The following SWT1 variants were observed in gnomAD, a reference collection of about 807,000 sequenced individuals.
SWT1 encodes SWT1 RNA endoribonuclease homolog.
Under a neutral mutation model 107.3 loss-of-function variants are expected in SWT1, and 33 were observed. That is an observed-to-expected ratio of 0.31 (90% CI 0.23 to 0.41). SWT1 has a LOEUF of 0.41. SWT1 is among the 10% of genes least tolerant of loss of function. SWT1 has a pLI of 1.00. For synonymous variants in SWT1, 345 were observed against 348.3 expected, an observed-to-expected ratio of 0.99 and a Z score of 0.11; for missense variants, 898 against 1,028.9, an observed-to-expected ratio of 0.87 and a Z score of 1.74.
At chr1:185,193,774 A>G (rs1000241014) in intron 10 of SWT1, among the ~76,000 whole-genome samples, 9 of 152,122 alleles carry the variant, frequency 5.9e-5, no homozygotes, top group African/African-American at 1.7e-4. Flanking sequence ...CTGGTTGCCT[A>G]CTTTTTCTGT....
intron 16 of SWT1, among the ~76,000 whole-genome samples, chr1:185,265,715 C>T (rs1257153984): frequency 6.6e-6 from 1 of 152,138 alleles, no homozygotes; most frequent in Non-Finnish European, 1.5e-5. Context: ...CTATAGAGAT[C>T]AAAGGAGATA....
At chr1:185,287,397 C>T (rs1480432484) in intron 18 of SWT1, among the ~76,000 whole-genome samples, 2 of 151,520 alleles carry the variant, frequency 1.3e-5, no homozygotes, top group Admixed American at 6.6e-5. Flanking sequence ...GCTCTGTTCT[C>T]GAAAGGATCA....
chr1:185,161,855 G>C (rs899114526), intron 2 of SWT1, among the ~76,000 whole-genome samples: 3 of 152,170 alleles, frequency 2.0e-5, no homozygotes, highest in African/African-American at 7.2e-5. Context: ...ATGGGTAGTT[G>C]ATCATCAGTA....
chr1:185,283,109 G>A lies in SWT1; in HGVS notation c.2573+6441G>A, dbSNP rs544135246. 3.3e-5 allele frequency among the ~76,000 whole-genome samples: 5 copies of A among 152,288 alleles called. No individual in the cohort carries two copies. The East Asian group carries it at 9.6e-4, about 29-fold the overall frequency. ...GGAGCCTCTGTCCCCATGGAGTTGG[G>A]TATGCCACCCTCCTGGCATATGGAT... On this transcript the variant is annotated intron_variant, in intron 18 of 18. Transcript: ENST00000367500.
intron 10 of SWT1, among the ~76,000 whole-genome samples, chr1:185,194,805 T>C (rs931266910): frequency 1.3e-5 from 2 of 152,174 alleles, no homozygotes; most frequent in African/African-American, 4.8e-5. Flanking sequence ...CATTAGAACC[T>C]TTAACATATT....
At chr1:185,269,829 T>C (rs1663720553) in intron 16 of SWT1, among the ~76,000 whole-genome samples, 1 of 152,232 alleles carries the variant, frequency 6.6e-6, no homozygotes, top group African/African-American at 2.4e-5. Flanking sequence ...GCAAAGCATT[T>C]AGCACAATCC....
intron 18 of SWT1, among the ~76,000 whole-genome samples, chr1:185,284,391 T>A (rs972183045): frequency 3.3e-5 from 5 of 152,240 alleles, no homozygotes; most frequent in African/African-American, 1.2e-4. Context: ...TATAGACAAT[T>A]ACAAGGCTTT....
At chr1:185,210,483 A>G (rs556793416) in intron 13 of SWT1, among the ~76,000 whole-genome samples, 149 of 152,242 alleles carry the variant, frequency 9.8e-4, no homozygotes, top group Admixed American at 3.1e-3. Flanking sequence ...ACAAAATTCA[A>G]CAGCCCTTCA....
At chr1:185,179,968 T>C (rs1464403823) in intron 5 of SWT1, among the ~76,000 whole-genome samples, 4 of 152,182 alleles carry the variant, frequency 2.6e-5, no homozygotes, top group Non-Finnish European at 5.9e-5. Flanking sequence ...GGTGGATCAC[T>C]TGAACTCAGG....
At chr1:185,175,167 A>G (rs1558013565) in intron 5 of SWT1, 54 bp downstream of exon 5, 2 of 1,247,798 alleles carry the variant, frequency 1.6e-6, no homozygotes, top group Non-Finnish European at 2.1e-6. Flanking sequence ...TTATTAATAT[A>G]GTTAAGTTTT....
intron 16 of SWT1, among the ~76,000 whole-genome samples, chr1:185,236,792 A>G (rs900436818): frequency 6.6e-6 from 1 of 152,232 alleles, no homozygotes; most frequent in African/African-American, 2.4e-5. Context: ...ACAGAATGGG[A>G]GAAAATTTTT....
intron 16 of SWT1, among the ~76,000 whole-genome samples, chr1:185,267,308 G>A (rs1000738766): frequency 2.0e-5 from 3 of 152,224 alleles, no homozygotes; most frequent in African/African-American, 7.2e-5. Flanking sequence ...CAGGTAAGGA[G>A]CTGAGATACA....
rs565804690 is a variant in SWT1 at position 185,275,231 on chromosome 1, C to G, written c.2509-1373C>G. 5.9e-5 allele frequency among the ~76,000 whole-genome samples: 9 copies of G among 151,952 alleles called. No homozygotes were observed. The South Asian group carries it at 1.9e-3, about 32-fold the overall frequency. ...TCTGCAGTGTGTTGACATTTGGTGG[C>G]CCGTGTTCTGATACATTGATGGTCC... On this transcript the variant is annotated intron_variant, in intron 17 of 18. Coordinates refer to ENST00000367500, the MANE Select transcript of SWT1 (RefSeq NM_017673.7).
At chr1:185,252,365 C>T (rs886505357) in intron 16 of SWT1, among the ~76,000 whole-genome samples, 2 of 152,188 alleles carry the variant, frequency 1.3e-5, no homozygotes, top group African/African-American at 4.8e-5. Flanking sequence ...ACACTGACTT[C>T]CACAATGGTT....
At chr1:185,263,648 G>A (rs1385039498) in intron 16 of SWT1, 1 of 152,324 alleles carries the variant, frequency 6.6e-6, no homozygotes, top group African/African-American at 2.4e-5. Context: ...AACACAAGCT[G>A]TCTTTTCATC....
At chr1:185,158,268 G>A (rs988875209) in intron 1 of SWT1, among the ~76,000 whole-genome samples, 2 of 151,734 alleles carry the variant, frequency 1.3e-5, no homozygotes, top group African/African-American at 4.8e-5. Flanking sequence ...TATCTGGAGG[G>A]GTGTGTGTGT....
At chr1:185,219,614 A>G (rs1411377159) in intron 14 of SWT1, among the ~76,000 whole-genome samples, 1 of 152,188 alleles carries the variant, frequency 6.6e-6, no homozygotes, top group Non-Finnish European at 1.5e-5. Flanking sequence ...AGCCAAGACC[A>G]AAAAACTAAG....
intron 17 of SWT1, among the ~76,000 whole-genome samples, chr1:185,273,236 C>T (rs1664007780): frequency 1.3e-5 from 2 of 152,152 alleles, no homozygotes; most frequent in Non-Finnish European, 2.9e-5. Context: ...GAAACCCCAT[C>T]TCTACTAAAA....
At chr1:185,157,853 TC>T (rs1557998411) in intron 1 of SWT1, among the ~76,000 whole-genome samples, 1 of 152,100 alleles carries the variant, frequency 6.6e-6, no homozygotes, top group Non-Finnish European at 1.5e-5. Context: ...GCGTTTCAGA[TC>T]CCCAAAACAT....
Sources: allele counts gnomAD v4.1 joint callset (sites outside exome capture counted in the v4.1 genomes callset), GRCh38; gene constraint gnomAD v4.1.1; transcripts MANE v1.5; gene names NCBI Gene and HGNC (gene_info 2026-07-23, HGNC 2026-07-21).